IQCJ: variants seen among roughly 807,000 people sequenced by gnomAD.
The protein encoded by IQCJ is IQ motif containing J, also known as IQ domain-containing protein J.
A neutral mutation model predicts 11.0 loss-of-function variants in IQCJ; 9 were observed. That is an observed-to-expected ratio of 0.82 (90% confidence interval 0.49 to 1.43). IQCJ has a LOEUF of 1.43. Among genes scored for constraint, IQCJ ranks in the 40% most tolerant of loss-of-function variants. The probability of loss-of-function intolerance (pLI) is 0.00; values close to 1 mark genes in which losing one functional copy is unlikely to be tolerated. For synonymous variants in IQCJ, 55 were observed against 51.3 expected (o/e 1.07, Z -0.31); for missense variants, 146 against 133.2 (o/e 1.10, Z -0.47).
chr3:159,146,169 C>T (rs1720916246), intron 1 of IQCJ, among the ~76,000 whole-genome samples: 1 of 152,162 alleles, frequency 6.6e-6, no homozygotes, highest in African/African-American at 2.4e-5. Context: ...ACTATTCACT[C>T]ACATCATTGG....
chr3:159,176,675 T>TA (rs1168111598), intron 1 of IQCJ, among the ~76,000 whole-genome samples: 8 of 152,162 alleles, frequency 5.3e-5, no homozygotes, highest in African/African-American at 1.4e-4. Flanking sequence ...ACACAACATA[T>TA]AAAAAATGCT....
intron 1 of IQCJ, among the ~76,000 whole-genome samples, chr3:159,169,748 G>A (rs1722392105): frequency 6.6e-6 from 1 of 152,174 alleles, no homozygotes; most frequent in South Asian, 2.1e-4. Context: ...CCTTGAACTT[G>A]AGGGTAATTT....
At chr3:159,158,406 G>T (rs1024306362) in intron 1 of IQCJ, among the ~76,000 whole-genome samples, 2 of 152,204 alleles carry the variant, frequency 1.3e-5, no homozygotes, top group African/African-American at 2.4e-5. Context: ...GTGAGTTCAG[G>T]TGGTGAAGCT....
At chr3:159,194,627 A>G (rs937719566) in intron 1 of IQCJ, among the ~76,000 whole-genome samples, 6 of 152,200 alleles carry the variant, frequency 3.9e-5, no homozygotes, top group African/African-American at 1.4e-4. Flanking sequence ...CACTGAACAT[A>G]GTTGACTGAT....
chr3:159,181,071 AT>A (rs1285623434), intron 1 of IQCJ, among the ~76,000 whole-genome samples: 2 of 151,630 alleles, frequency 1.3e-5, no homozygotes, highest in Non-Finnish European at 2.9e-5. Context: ...CTCAACTTCC[AT>A]TCACTTTCCT....
Position 159,069,378 on chromosome 3 carries a change from G to T in IQCJ, c.-55G>T. The T allele has an allele frequency of 1.3e-6, 2 of 1,589,146 alleles. No individual in the cohort carries two copies. The highest frequency in any genetic ancestry group is 1.7e-6 in the Non-Finnish European group (2 of 1,170,728). On this transcript the variant is annotated 5_prime_UTR_variant, in exon 1 of 4. Transcript: ENST00000397832. ...GCTCTGTGATTCTGAGGAATACAGT[G>T]TGCCAGCATCCGATCCAGTCTCCTT...
intron 1 of IQCJ, among the ~76,000 whole-genome samples, chr3:159,129,133 G>A (rs528947928): frequency 6.6e-6 from 1 of 152,194 alleles, no homozygotes; most frequent in South Asian, 2.1e-4. Flanking sequence ...ACAATCACAA[G>A]TCTCTGATGT....
intron 1 of IQCJ, among the ~76,000 whole-genome samples, chr3:159,112,817 A>T (rs909996401): frequency 1.8e-4 from 27 of 152,152 alleles, no homozygotes; most frequent in Admixed American, 6.6e-5. Flanking sequence ...TAGCTTCCTT[A>T]GTTTCTTTGA....
chr3:159,103,308 G>T (rs1204963368), intron 1 of IQCJ, among the ~76,000 whole-genome samples: 2 of 152,162 alleles, frequency 1.3e-5, no homozygotes, highest in South Asian at 4.1e-4. Flanking sequence ...AAAACCTGGA[G>T]AATTACTTCT....
intron 2 of IQCJ, among the ~76,000 whole-genome samples, chr3:159,251,714 TA>T (rs1318926643): frequency 6.6e-6 from 1 of 152,080 alleles, no homozygotes; most frequent in Non-Finnish European, 1.5e-5. Context: ...TCAGTGGGAT[TA>T]AGTTTAATAA....
intron 1 of IQCJ, among the ~76,000 whole-genome samples, chr3:159,166,789 C>T (rs868315543): frequency 3.3e-5 from 5 of 152,114 alleles, no homozygotes; most frequent in Admixed American, 6.6e-5. Context: ...AAGACAAAGG[C>T]TCAGAATTCT....
At chr3:159,256,238 A>C (rs1727889250) in intron 3 of IQCJ, among the ~76,000 whole-genome samples, 1 of 152,218 alleles carries the variant, frequency 6.6e-6, no homozygotes, top group Non-Finnish European at 1.5e-5. Flanking sequence ...TATTGAATAC[A>C]AATTGCTTTT....
intron 1 of IQCJ, among the ~76,000 whole-genome samples, chr3:159,108,771 A>G (rs1305143999): frequency 6.6e-6 from 1 of 152,202 alleles, no homozygotes; most frequent in Non-Finnish European, 1.5e-5. Flanking sequence ...ACTTGGTCAC[A>G]GTAGCAACTA....
chr3:159,102,135 G>A (rs1242299040), intron 1 of IQCJ, among the ~76,000 whole-genome samples: 1 of 152,168 alleles, frequency 6.6e-6, no homozygotes, highest in Admixed American at 6.5e-5. Flanking sequence ...ACAAGAAACA[G>A]GACTTTGAGT....
At chr3:159,261,616 C>T (rs921931708) in intron 3 of IQCJ, among the ~76,000 whole-genome samples, 1 of 152,188 alleles carries the variant, frequency 6.6e-6, no homozygotes, top group African/African-American at 2.4e-5. Context: ...GAGACCTCCC[C>T]AGCCATGCAG....
rs776140887 is a variant in IQCJ at position 159,262,745 on chromosome 3, G to A, written c.*14G>A. ...ACATTCAACTGAAAGCCTAGACTTT[G>A]GTTCTAAGAGAGAAATCTTGGGATG... On this transcript the variant is annotated 3_prime_UTR_variant, in exon 4 of 4. Transcript: ENST00000397832. 2 of 1,606,366 alleles carry A rather than the reference G, an allele frequency of 1.2e-6. No individual in the cohort carries two copies. Among genetic ancestry groups the A allele is most frequent in the Admixed American group, 1.7e-5 (1 of 59,628 alleles).
intron 1 of IQCJ, among the ~76,000 whole-genome samples, chr3:159,211,814 T>C (rs1238323971): frequency 6.6e-6 from 1 of 151,982 alleles, no homozygotes; most frequent in Non-Finnish European, 1.5e-5. Context: ...AGTGACGATA[T>C]ACAATGTAGA....
At chr3:159,264,908 AAC>A (rs775500363), downstream of IQCJ, among the ~76,000 whole-genome samples, 64 of 146,526 alleles carry the variant, frequency 4.4e-4, no homozygotes, top group East Asian at 1.2e-3. Flanking sequence ...CAGAGGGGAA[AAC>A]AAAAAAAAAA....
chr3:159,220,693 CAAAA>C (rs1725484247), intron 1 of IQCJ, among the ~76,000 whole-genome samples: 1 of 152,126 alleles, frequency 6.6e-6, no homozygotes, highest in Non-Finnish European at 1.5e-5. Flanking sequence ...ATCAGAACAA[CAAAA>C]ATACCACACC....
Sources: gnomAD v4.1 joint callset for allele counts (sites outside exome capture counted in the v4.1 genomes callset) on GRCh38, gnomAD v4.1.1 for gene constraint, MANE v1.5 for transcripts, NCBI Gene and HGNC (gene_info 2026-07-23, HGNC 2026-07-21) for gene names.